Variants in TTN observed in about 807,000 individuals in gnomAD.
TTN encodes the protein titin, also known as connectin.
TTN carries 1,525 observed loss-of-function variants against 3,223.0 expected under a neutral mutation model. That is an observed-to-expected ratio of 0.47 (90% confidence interval 0.45 to 0.49). The LOEUF is 0.49. TTN is among the 20% of genes least tolerant of loss of function. The pLI is 0.00. For synonymous variants in TTN, 14,094 were observed against 15,161.0 expected, an observed-to-expected ratio of 0.93 and a Z score of 5.17; for missense variants, 40,786 against 43,424.0, an observed-to-expected ratio of 0.94 and a Z score of 5.40.
Position 178,712,021 on chromosome 2 carries a change from T to C in TTN, c.27809A>G (p.Asn9270Ser), listed in dbSNP as rs763189626. ...TTTGCAGATATATTCTCCACTATCA[T>C]TAATATCAACCTGGTTGAAAACCAG... ...ATLVFNQVDI[N>S]DSGEYICKAE... The change falls in exon 96 of 363, where the codon AAT (asparagine) becomes AGT (serine). Residue 9270 changes from asparagine (N) to serine (S), a missense_variant. Physicochemically the swap from Asn to Ser is conservative, Grantham distance 46. Transcript: ENST00000589042. 4.1e-5 allele frequency: 66 copies of C among 1,613,714 alleles called. No individual in the cohort carries two copies. The highest frequency in any genetic ancestry group is 5.1e-5 in the Non-Finnish European group (60 of 1,179,778).
intron 240 of TTN, among the ~76,000 whole-genome samples, chr2:178,627,693 AT>A (rs978170858): frequency 6.6e-6 from 1 of 151,968 alleles, no homozygotes; most frequent in Non-Finnish European, 1.5e-5. Context: ...TGTGAATAAG[AT>A]TTTTAGGAGT....
chr2:178,686,027 T>C (rs2070758264), intron 127 of TTN, among the ~76,000 whole-genome samples: 1 of 151,974 alleles, frequency 6.6e-6, no homozygotes, highest in African/African-American at 2.4e-5. Flanking sequence ...TTCCATATTG[T>C]TTTCCCCGCC....
chr2:178,541,691 A>T, intron 349 of TTN, 107 bp from the exon 350 acceptor site: 6 of 878,550 alleles, frequency 6.8e-6, no homozygotes, highest in African/African-American at 1.7e-5. Context: ...TAAAAGGTAC[A>T]TAAGGCACAT....
chr2:178,749,479 G>T (rs771319433), intron 47 of TTN: 3 of 1,612,862 alleles, frequency 1.9e-6, no homozygotes, highest in Non-Finnish European at 2.5e-6. Flanking sequence ...TTTGAAAATA[G>T]TCCCTTACTG....
At position 178,747,554 on chromosome 2, in the gene TTN, TAC is replaced by T. The variant is rs786205402; in HGVS notation, c.11311+5568_11311+5569del. 6 of 1,613,282 alleles carry T rather than the reference TAC, an allele frequency of 3.7e-6. No individual in the cohort carries two copies. Among genetic ancestry groups the T allele is most frequent in the Admixed American group, 1.7e-5 (1 of 59,900 alleles). On this transcript the variant is annotated intron_variant, in intron 47 of 362. Transcript: ENST00000589042. ...TTCCTGTTTCTGGTTGTAGTATTCA[TAC>T]ACAGTGTTGAAAGTTACTTCTTCCA...
In TTN at chr2:178,587,079, AG is replaced by A. The variant is rs2049170740; in HGVS notation, c.64093+38del. ...AGTATCTTGACCTTGCTAAAATAGG[AG>A]ACTGGGGTTAAAAGGAGGAAGAAAG... On this transcript the variant is annotated intron_variant, in intron 307 of 362. Coordinates refer to ENST00000589042, the MANE Select transcript of TTN (RefSeq NM_001267550.2). 3 of 1,609,392 alleles carry A rather than the reference AG, an allele frequency of 1.9e-6. No individual in the cohort carries two copies. In the Middle Eastern group the frequency reaches 5.0e-4, roughly 267 times the overall value.
chr2:178,643,472 TTAA>T (rs2061505533), intron 218 of TTN, among the ~76,000 whole-genome samples: 1 of 151,976 alleles, frequency 6.6e-6, no homozygotes, highest in Non-Finnish European at 1.5e-5. Context: ...ACCAATCTTC[TTAA>T]TAACTATTTT....
chr2:178,688,828 T>C lies in TTN; in HGVS notation c.32096-50A>G, dbSNP rs374128381. 836 of 1,458,172 alleles carry C rather than the reference T, an allele frequency of 5.7e-4. 1 individual carries two copies. The highest frequency in any genetic ancestry group is 7.7e-4 in the Non-Finnish European group (802 of 1,044,676). The allele number at this position is 1,458,172 out of a possible 1,614,324, so 90.3% of individuals were successfully genotyped here. A position where few individuals can be genotyped will look rare whatever the true frequency, so the allele number is the denominator to read the frequency against. On this transcript the variant is annotated intron_variant, in intron 125 of 362. Transcript: ENST00000589042. ...GTTTAAAATCAAGAATTTTAACAAT[T>C]CTCACTTTCTAGAATTTGGGGAAGA...
intron 321 of TTN, 124 bp from the exon 322 acceptor site, chr2:178,578,309 A>G: frequency 1.1e-6 from 1 of 913,420 alleles, no homozygotes; most frequent in Non-Finnish European, 1.6e-6. Flanking sequence ...GCTAGTATCT[A>G]TACTTTTATT....
chr2:178,547,390 A>T lies in TTN; in HGVS notation c.94219+17T>A, dbSNP rs757421707. ...TTAATAATAGAGACTTTGAAATAGGATTTTTATTTTTCTTACCAAATGGAT... is the reference window on the plus strand; with the variant it reads ...TTAATAATAGAGACTTTGAAATAGGTTTTTTATTTTTCTTACCAAATGGAT... On this transcript the variant is annotated intron_variant, in intron 339 of 362. Transcript: ENST00000589042. 1.3e-6 allele frequency: 2 copies of T among 1,584,964 alleles called. No homozygotes were observed. The highest frequency in any genetic ancestry group is 3.6e-5 in the Admixed American group (2 of 55,722).
At chr2:178,760,118 T>A (rs2088643313) in intron 43 of TTN, among the ~76,000 whole-genome samples, 1 of 152,220 alleles carries the variant, frequency 6.6e-6, no homozygotes, top group Non-Finnish European at 1.5e-5. Flanking sequence ...TGCATTTTAA[T>A]GCCAATACTT....
intron 127 of TTN, among the ~76,000 whole-genome samples, chr2:178,686,143 C>T (rs1226576929): frequency 2.1e-5 from 1 of 47,920 alleles, no homozygotes; most frequent in Non-Finnish European, 3.1e-5. Flanking sequence ...TTTTTTGAGA[C>T]GGAGTCTCGC....
chr2:178,567,911 C>A lies in TTN; in HGVS notation c.78221G>T (p.Gly26074Val). The A allele has an allele frequency of 6.2e-7, 1 of 1,613,502 alleles. No individual in the cohort carries two copies. The highest frequency in any genetic ancestry group is 8.5e-7 in the Non-Finnish European group (1 of 1,179,580). The change falls in exon 326 of 363, where the codon GGC becomes GTC. Residue 26074 changes from glycine (G) to valine (V), a missense_variant. Transcript: ENST00000589042. ...RVYAENIVGV[G>V]KASKNSECYV... ...GCATTCAGAATTCTTGCTTGCTTTGCCTACACCAACAATATTTTCAGCATA... is the reference window on the plus strand; with the variant it reads ...GCATTCAGAATTCTTGCTTGCTTTGACTACACCAACAATATTTTCAGCATA...
At position 178,792,184 on chromosome 2, in the gene TTN, GTTTCT is replaced by G; in HGVS notation, c.1545_1549del (p.Lys515AsnfsTer2). ...TACCTTTGGTACAAATGTTTTTTCA[GTTTCT>G]TTTCTTATCTGCAAAGAATGATTTA... On this transcript the variant is annotated frameshift_variant, in exon 10 of 363. Transcript: ENST00000589042. LOFTEE classifies it high-confidence loss of function. 1 of 1,606,546 alleles carries G rather than the reference GTTTCT, an allele frequency of 6.2e-7. No individual in the cohort carries two copies. The highest frequency in any genetic ancestry group is 8.5e-7 in the Non-Finnish European group (1 of 1,178,220).
In TTN at chr2:178,680,560, A is replaced by G. The variant is rs921896844; in HGVS notation, c.33341-229T>C. Among the ~76,000 whole-genome samples, 5 of 152,172 alleles carry G rather than the reference A, an allele frequency of 3.3e-5. No individual in the cohort carries two copies. In the South Asian group the frequency reaches 6.2e-4, roughly 19 times the overall value. On this transcript the variant is annotated intron_variant, in intron 138 of 362. Transcript: ENST00000589042. ...GTAAACATGAAGTAGCAGAGCCCAAATGTGAAATGAGGTTTAGTGTTCAAA... is the reference window on the plus strand; with the variant it reads ...GTAAACATGAAGTAGCAGAGCCCAAGTGTGAAATGAGGTTTAGTGTTCAAA...
chr2:178,759,479 AG>A (rs2088365526), intron 43 of TTN, among the ~76,000 whole-genome samples: 1 of 152,240 alleles, frequency 6.6e-6, no homozygotes, highest in South Asian at 2.1e-4. Flanking sequence ...AGCAGAGACA[AG>A]ATTTTGACAT....
intron 41 of TTN, among the ~76,000 whole-genome samples, chr2:178,765,110 T>C (rs952985022): frequency 6.6e-6 from 1 of 152,164 alleles, no homozygotes; most frequent in Non-Finnish European, 1.5e-5. Context: ...TGGTGGGGGC[T>C]TAGCGATGGA....
At chr2:178,635,357 T>C in intron 227 of TTN, 53 bp from the exon 228 acceptor site, 1 of 1,607,794 alleles carries the variant, frequency 6.2e-7, no homozygotes, top group Non-Finnish European at 8.5e-7. Flanking sequence ...CCAACGATGC[T>C]TTGCTTTTAT....
intron 38 of TTN, 108 bp downstream of exon 38, chr2:178,768,565 T>C (rs2090935108): frequency 6.7e-7 from 1 of 1,490,210 alleles, no homozygotes; most frequent in Non-Finnish European, 9.2e-7. Flanking sequence ...TGATATCCCA[T>C]CGTATGGCTA....
Sources: gnomAD v4.1 joint callset for allele counts (sites outside exome capture counted in the v4.1 genomes callset) on GRCh38, gnomAD v4.1.1 for gene constraint, MANE v1.5 for transcripts, NCBI Gene and HGNC (gene_info 2026-07-23, HGNC 2026-07-21) for gene names.